Variants in VWC2L observed in about 807,000 individuals in gnomAD.
VWC2L encodes the protein von Willebrand factor C domain-containing protein 2-like.
VWC2L carries 10 observed loss-of-function variants against 21.6 expected under a neutral mutation model. The observed-to-expected ratio is 0.46, with a 90% CI of 0.29 to 0.78. The LOEUF is 0.78. Ranked by LOEUF, VWC2L falls within the 30% of genes least tolerant of loss-of-function variation. VWC2L has a pLI of 0.10. For synonymous variants in VWC2L, 96 were observed against 94.3 expected, an observed-to-expected ratio of 1.02 and a Z score of -0.10; for missense variants, 209 against 277.1, an observed-to-expected ratio of 0.75 and a Z score of 1.74.
At chr2:214,426,254 T>TA (rs1253424436) in intron 2 of VWC2L, among the ~76,000 whole-genome samples, 1 of 151,068 alleles carries the variant, frequency 6.6e-6, no homozygotes, top group East Asian at 1.9e-4. Context: ...TGCAATGCAT[T>TA]AAAAGCAGTT....
chr2:214,520,343 A>G (rs1689216057), intron 3 of VWC2L, among the ~76,000 whole-genome samples: 1 of 152,180 alleles, frequency 6.6e-6, no homozygotes, highest in African/African-American at 2.4e-5. Context: ...TTCTTTGAAA[A>G]TGGGACTTTA....
At chr2:214,447,093 G>A (rs1489316899) in intron 3 of VWC2L, among the ~76,000 whole-genome samples, 2 of 152,028 alleles carry the variant, frequency 1.3e-5, no homozygotes, top group African/African-American at 4.8e-5. Context: ...GTAGAAACTG[G>A]GAAACTGGGA....
At chr2:214,517,549 G>C (rs570440673) in intron 3 of VWC2L, among the ~76,000 whole-genome samples, 1 of 152,204 alleles carries the variant, frequency 6.6e-6, no homozygotes, top group Non-Finnish European at 1.5e-5. Flanking sequence ...TTACACTGTG[G>C]GACCAACATG....
chr2:214,499,829 G>T (rs966961866), intron 3 of VWC2L, among the ~76,000 whole-genome samples: 2 of 152,068 alleles, frequency 1.3e-5, no homozygotes, highest in Non-Finnish European at 2.9e-5. Context: ...AATATTCATT[G>T]AGCCACTACA....
rs1690245773 is a variant in VWC2L, at chr2:214,577,324, T to C, written c.*1504T>C. On this transcript the variant is annotated 3_prime_UTR_variant, in exon 4 of 4. Transcript: ENST00000312504. ...GTCTCAATCTTAGTAGGATTGACAT[T>C]TGGGGCCAGATCATTATTCGTTGGT... 6.6e-6 allele frequency: 1 copy of C among 152,240 alleles called. No individual in the cohort carries two copies. Among genetic ancestry groups the C allele is most frequent in the Non-Finnish European group, 1.5e-5 (1 of 68,098 alleles). The allele number at this position is 152,240 out of a possible 1,614,324, so 9.4% of individuals were successfully genotyped here.
chr2:214,467,900 A>G (rs1292435588), intron 3 of VWC2L, among the ~76,000 whole-genome samples: 1 of 152,178 alleles, frequency 6.6e-6, no homozygotes, highest in African/African-American at 2.4e-5. Flanking sequence ...AGTCCCAGCT[A>G]CTCAGAAAGC....
chr2:214,537,356 T>C (rs1349058931), intron 3 of VWC2L, among the ~76,000 whole-genome samples: 2 of 151,962 alleles, frequency 1.3e-5, no homozygotes, highest in African/African-American at 4.8e-5. Context: ...TGAATAATTA[T>C]GTCACATGTG....
At chr2:214,419,529 A>G (rs551079150) in intron 2 of VWC2L, among the ~76,000 whole-genome samples, 2 of 152,314 alleles carry the variant, frequency 1.3e-5, no homozygotes, top group African/African-American at 4.8e-5. Context: ...TACTACATGT[A>G]GCTGAAAGAA....
At chr2:214,453,060 CG>C in intron 3 of VWC2L, among the ~76,000 whole-genome samples, 1 of 152,186 alleles carries the variant, frequency 6.6e-6, no homozygotes, top group Non-Finnish European at 1.5e-5. Flanking sequence ...TTTGGGAGAG[CG>C]GTTTTTAATT....
chr2:214,496,464 G>A (rs542842618), intron 3 of VWC2L, among the ~76,000 whole-genome samples: 1 of 152,070 alleles, frequency 6.6e-6, no homozygotes, highest in African/African-American at 2.4e-5. Context: ...TTATACTTAG[G>A]TCTCCAGATC....
intron 3 of VWC2L, among the ~76,000 whole-genome samples, chr2:214,542,228 T>C (rs1014402508): frequency 1.3e-5 from 2 of 152,164 alleles, no homozygotes; most frequent in East Asian, 3.9e-4. Flanking sequence ...TATTTGCATC[T>C]GATCATGTAT....
At chr2:214,562,513 TG>T (rs1176735119) in intron 3 of VWC2L, among the ~76,000 whole-genome samples, 1 of 152,208 alleles carries the variant, frequency 6.6e-6, no homozygotes, top group Non-Finnish European at 1.5e-5. Context: ...TACCCAGTAA[TG>T]GGATTGCTGG....
chr2:214,517,813 G>C (rs1254575925), intron 3 of VWC2L, among the ~76,000 whole-genome samples: 1 of 152,168 alleles, frequency 6.6e-6, no homozygotes, highest in Non-Finnish European at 1.5e-5. Flanking sequence ...TAAGAGACTG[G>C]GAGAATAGAG....
rs1207206302 is a variant in VWC2L at position 214,578,258 on chromosome 2, A to T, written c.*2438A>T. On this transcript the variant is annotated 3_prime_UTR_variant, in exon 4 of 4. Transcript: ENST00000312504. ...GTCCTTTTTTAGAAAACAGAAAGAG[A>T]GTACAACTGGGAAGCTGAAGTGCAG... The T allele has an allele frequency of 6.6e-6, 1 of 152,182 alleles. No homozygotes were observed. Among genetic ancestry groups the T allele is most frequent in the African/African-American group, 2.4e-5 (1 of 41,464 alleles). 9.4% of individuals were successfully genotyped at this position (152,182 alleles called of 1,614,324 possible). A position where few individuals can be genotyped will look rare whatever the true frequency, so the allele number is the denominator to read the frequency against.
intron 3 of VWC2L, among the ~76,000 whole-genome samples, chr2:214,515,132 G>T (rs963114572): frequency 6.6e-6 from 1 of 152,160 alleles, no homozygotes; most frequent in Non-Finnish European, 1.5e-5. Flanking sequence ...TAAAGGTTAG[G>T]ATTGCAGCTC....
At chr2:214,465,740 G>A (rs1204096901) in intron 3 of VWC2L, among the ~76,000 whole-genome samples, 1 of 152,114 alleles carries the variant, frequency 6.6e-6, no homozygotes, top group Non-Finnish European at 1.5e-5. Flanking sequence ...GTTTATTTAG[G>A]ACCCCTAAGC....
chr2:214,517,963 G>A lies in VWC2L; in HGVS notation c.521-57709G>A, dbSNP rs183337322. ...AGGCAGATCACGAGGTCAGGAGATC[G>A]AGACCATCCTGGCTAACACAGTGAA... On this transcript the variant is annotated intron_variant, in intron 3 of 3. Coordinates refer to ENST00000312504, the MANE Select transcript of VWC2L (RefSeq NM_001080500.4). 3.9e-4 allele frequency among the ~76,000 whole-genome samples: 59 copies of A among 152,242 alleles called. No individual in the cohort carries two copies. The East Asian group carries it at 0.011, about 29-fold the overall frequency.
At chr2:214,460,683 ATT>A (rs1703127430) in intron 3 of VWC2L, among the ~76,000 whole-genome samples, 2 of 151,492 alleles carry the variant, frequency 1.3e-5, no homozygotes, top group African/African-American at 2.4e-5. Context: ...TGCTTTTCTG[ATT>A]TGTTTTGTTT....
chr2:214,548,524 T>A (rs1689744836), intron 3 of VWC2L, among the ~76,000 whole-genome samples: 1 of 152,140 alleles, frequency 6.6e-6, no homozygotes, highest in Non-Finnish European at 1.5e-5. Flanking sequence ...CTCAACCAAG[T>A]CCAGTGGATT....
Sources: gnomAD v4.1 joint callset for allele counts (sites outside exome capture counted in the v4.1 genomes callset) on GRCh38, gnomAD v4.1.1 for gene constraint, MANE v1.5 for transcripts, NCBI Gene and HGNC (gene_info 2026-07-23, HGNC 2026-07-21) for gene names.